Variants in MYO18B observed in about 807,000 individuals in gnomAD.
MYO18B encodes unconventional myosin-XVIIIb.
In MYO18B, 204 loss-of-function variants were observed where a neutral mutation model predicts 273.0. That is an observed-to-expected ratio of 0.75 (90% CI 0.67 to 0.84). The LOEUF (loss-of-function observed/expected upper bound fraction) is 0.84. MYO18B is among the 40% of genes least tolerant of loss of function. MYO18B has a pLI of 0.00. For synonymous variants in MYO18B, 1,330 were observed against 1,305.7 expected, an observed-to-expected ratio of 1.02 and a Z score of -0.40; for missense variants, 3,212 against 3,287.6, an observed-to-expected ratio of 0.98 and a Z score of 0.56.
rs115126355 is a variant in MYO18B, at chr22:25,939,106, T to C, written c.5518-7031T>C. Reference sequence around the variant, plus strand: ...CTAGGATTACAGGCATAAGCCACCATGCCTGACAGATAGCAATGTCTTTTG... The same window carrying C: ...CTAGGATTACAGGCATAAGCCACCACGCCTGACAGATAGCAATGTCTTTTG... On this transcript the variant is annotated intron_variant, in intron 34 of 43. Coordinates refer to ENST00000335473, the MANE Select transcript of MYO18B (RefSeq NM_032608.7). 9.0e-3 allele frequency among the ~76,000 whole-genome samples: 1,378 copies of C among 152,356 alleles called. 24 individuals are homozygous for C. Among genetic ancestry groups the C allele is most frequent in the African/African-American group, 0.031 (1,283 of 41,576 alleles).
At chr22:25,974,561 T>C (rs961275448) in intron 39 of MYO18B, among the ~76,000 whole-genome samples, 29 of 152,218 alleles carry the variant, frequency 1.9e-4, no homozygotes, top group Admixed American at 1.2e-3. Flanking sequence ...TTGCAAACCA[T>C]AGAGTCTCTG....
intron 24 of MYO18B, among the ~76,000 whole-genome samples, chr22:25,877,627 C>G (rs1341296796): frequency 1.3e-5 from 2 of 152,042 alleles, no homozygotes; most frequent in African/African-American, 4.8e-5. Context: ...CACCACCAAG[C>G]CTAGCTAATT....
chr22:25,766,728 G>A (rs2086520353), intron 3 of MYO18B, among the ~76,000 whole-genome samples: 1 of 152,192 alleles, frequency 6.6e-6, no homozygotes, highest in Admixed American at 6.5e-5. Context: ...TCATGCATGG[G>A]AACAAGTAGG....
At chr22:25,845,493 G>T (rs2090212137) in intron 18 of MYO18B, among the ~76,000 whole-genome samples, 1 of 152,142 alleles carries the variant, frequency 6.6e-6, no homozygotes, top group South Asian at 2.1e-4. Flanking sequence ...CTCCAGCCTG[G>T]CGACAGAGCA....
chr22:25,869,979 G>A (rs1329664735), intron 22 of MYO18B, among the ~76,000 whole-genome samples: 1 of 152,164 alleles, frequency 6.6e-6, no homozygotes, highest in African/African-American at 2.4e-5. Context: ...CACTATGTGA[G>A]GCAACTTCAC....
intron 37 of MYO18B, 44 bp from the exon 38 acceptor site, chr22:25,952,242 A>T (rs1356783257): frequency 1.3e-6 from 2 of 1,593,094 alleles, no homozygotes. Flanking sequence ...CTGTCCTGGT[A>T]TCAGGGACAA....
chr22:25,780,221 C>T (rs1471841714), intron 9 of MYO18B, 23 bp downstream of exon 9: 34 of 1,589,872 alleles, frequency 2.1e-5, no homozygotes, highest in Non-Finnish European at 2.8e-5. Context: ...GGGGGATGTG[C>T]AAGGGGGCCC....
At chr22:25,951,554 G>A (rs2092793095) in intron 37 of MYO18B, among the ~76,000 whole-genome samples, 1 of 152,226 alleles carries the variant, frequency 6.6e-6, no homozygotes, top group South Asian at 2.1e-4. Context: ...GTGCAAGACA[G>A]GATCACGATC....
At chr22:25,901,189 A>T (rs2091926732) in intron 29 of MYO18B, 1 of 152,148 alleles carries the variant, frequency 6.6e-6, no homozygotes, top group Non-Finnish European at 1.5e-5. Flanking sequence ...GAAGTCTGAG[A>T]CTTTGAATGA....
At chr22:26,000,225 T>C (rs1933823336) in intron 40 of MYO18B, among the ~76,000 whole-genome samples, 1 of 152,212 alleles carries the variant, frequency 6.6e-6, no homozygotes, top group African/African-American at 2.4e-5. Flanking sequence ...AAAGGGCCAA[T>C]GTGTTTCAAA....
intron 26 of MYO18B, 79 bp from the exon 27 acceptor site, chr22:25,891,225 T>TG: frequency 1.8e-6 from 2 of 1,102,486 alleles, no homozygotes; most frequent in Non-Finnish European, 2.7e-6. Context: ...ATCCGAGCCT[T>TG]GGAAGCACTT....
rs189655760 is a variant in MYO18B at position 25,973,929 on chromosome 22, A to G, written c.6157-18434A>G. Reference sequence around the variant, plus strand: ...GGGCAACAAATAGTAATACATACTCATCTGAGCCTCATTTGGTCCCACAGC... The same window carrying G: ...GGGCAACAAATAGTAATACATACTCGTCTGAGCCTCATTTGGTCCCACAGC... On this transcript the variant is annotated intron_variant, in intron 39 of 43. Coordinates refer to ENST00000335473, the MANE Select transcript of MYO18B (RefSeq NM_032608.7). 1.9e-3 allele frequency among the ~76,000 whole-genome samples: 296 copies of G among 152,250 alleles called. 1 individual carries two copies. Among genetic ancestry groups the G allele is most frequent in the African/African-American group, 6.7e-3 (279 of 41,548 alleles).
chr22:25,878,893 A>G (rs1429631303), intron 25 of MYO18B, among the ~76,000 whole-genome samples: 1 of 152,254 alleles, frequency 6.6e-6, no homozygotes, highest in Non-Finnish European at 1.5e-5. Flanking sequence ...TATGCTAGAG[A>G]ATCTTATCCA....
chr22:25,876,055 A>C, intron 23 of MYO18B, 134 bp from the exon 24 acceptor site: 1 of 594,618 alleles, frequency 1.7e-6, no homozygotes, highest in Non-Finnish European at 2.8e-6. Context: ...TATGTGTTTT[A>C]AGGTATCCAG....
intron 22 of MYO18B, among the ~76,000 whole-genome samples, chr22:25,872,068 G>A (rs765490879): frequency 1.7e-4 from 26 of 151,886 alleles, no homozygotes; most frequent in South Asian, 4.2e-4. Context: ...TGAGCCAATT[G>A]TGTCTTTATT....
chr22:25,926,001 C>T (rs560643622), intron 34 of MYO18B, among the ~76,000 whole-genome samples: 34 of 148,896 alleles, frequency 2.3e-4, no homozygotes, highest in Middle Eastern at 3.8e-3. Context: ...GTCAGGAGAT[C>T]GAGACCAAAC....
intron 40 of MYO18B, among the ~76,000 whole-genome samples, chr22:26,000,760 ATGG>A (rs754200176): frequency 2.1e-3 from 314 of 152,118 alleles, no homozygotes; most frequent in Non-Finnish European, 3.5e-3. Flanking sequence ...ACCATCTCAA[ATGG>A]TAGGAAGCAT....
At chr22:25,815,455 G>C (rs1159605867) in intron 12 of MYO18B, among the ~76,000 whole-genome samples, 2 of 152,202 alleles carry the variant, frequency 1.3e-5, no homozygotes, top group Non-Finnish European at 2.9e-5. Flanking sequence ...TAGGTAGCTT[G>C]ACACATTCAA....
chr22:25,847,292 A>G, intron 19 of MYO18B, 138 bp from the exon 20 acceptor site: 1 of 643,164 alleles, frequency 1.6e-6, no homozygotes, highest in Non-Finnish European at 2.8e-6. Context: ...ATCAGGCTGT[A>G]GGTGGGAGCT....
Sources: allele counts gnomAD v4.1 joint callset (sites outside exome capture counted in the v4.1 genomes callset), GRCh38; gene constraint gnomAD v4.1.1; transcripts MANE v1.5; gene names NCBI Gene and HGNC (gene_info 2026-07-23, HGNC 2026-07-21).